LAMA2: variants seen among roughly 807,000 people sequenced by gnomAD.
LAMA2 encodes laminin subunit alpha 2, also known as laminin subunit alpha-2.
A neutral mutation model predicts 364.8 loss-of-function variants in LAMA2; 269 were observed. The ratio of observed to expected loss-of-function variants is 0.74; its 90% CI spans 0.67 to 0.82. The LOEUF is 0.82. Among genes scored for constraint, LAMA2 ranks in the 40% least tolerant of loss-of-function variants. The pLI, the probability that LAMA2 is intolerant of heterozygous loss-of-function variation, is 0.00. For missense variants in LAMA2, 3,807 were observed against 3,873.2 expected (o/e 0.98, Z 0.45); for synonymous variants, 1,379 against 1,370.6 (o/e 1.01, Z -0.14).
chr6:129,514,688 C>A, intron 64 of LAMA2, 93 bp downstream of exon 64: 2 of 958,594 alleles, frequency 2.1e-6, no homozygotes, highest in Non-Finnish European at 3.3e-6. Context: ...AGAATGTGTG[C>A]TTATGTGTAC....
At chr6:129,338,711 G>A (rs1776091022) in intron 29 of LAMA2, among the ~76,000 whole-genome samples, 1 of 152,124 alleles carries the variant, frequency 6.6e-6, no homozygotes, top group South Asian at 2.1e-4. Context: ...TGAACTAAAA[G>A]GAGCATTTAA....
chr6:129,357,305 T>C (rs561544623), intron 32 of LAMA2, among the ~76,000 whole-genome samples: 1 of 152,170 alleles, frequency 6.6e-6, no homozygotes, highest in Non-Finnish European at 1.5e-5. Context: ...AGATTATGAG[T>C]GGCATAGTAA....
At chr6:129,467,393 C>T (rs758705143) in intron 51 of LAMA2, among the ~76,000 whole-genome samples, 10 of 151,764 alleles carry the variant, frequency 6.6e-5, no homozygotes, top group Non-Finnish European at 1.0e-4. Flanking sequence ...ATTTAAAAAT[C>T]GCCTGTTGGG....
intron 4 of LAMA2, among the ~76,000 whole-genome samples, chr6:129,121,976 CTCATTA>C (rs1442849449): frequency 6.6e-6 from 1 of 152,100 alleles, no homozygotes; most frequent in East Asian, 1.9e-4. Context: ...GTGATTATGA[CTCATTA>C]TCATGATGCC....
intron 30 of LAMA2, 75 bp downstream of exon 30, chr6:129,342,542 G>C: frequency 5.4e-6 from 8 of 1,469,892 alleles, no homozygotes; most frequent in Non-Finnish European, 7.4e-6. Flanking sequence ...TCTATGATTT[G>C]GCTATTTTTT....
intron 12 of LAMA2, among the ~76,000 whole-genome samples, chr6:129,195,523 C>A (rs750904454): frequency 8.5e-5 from 13 of 152,246 alleles, no homozygotes; most frequent in Middle Eastern, 3.4e-3. Context: ...TTTATACTTT[C>A]TATTTTTGAA....
At chr6:129,452,964 C>G (rs375674469) in intron 45 of LAMA2, 24 bp from the exon 46 acceptor site, 1 of 1,607,084 alleles carries the variant, frequency 6.2e-7, no homozygotes, top group Non-Finnish European at 8.5e-7. Context: ...ACTCTTGGTT[C>G]TTTGTATCTT....
At chr6:129,480,219 C>A (rs1784280528) in intron 54 of LAMA2, among the ~76,000 whole-genome samples, 1 of 152,138 alleles carries the variant, frequency 6.6e-6, no homozygotes, top group African/African-American at 2.4e-5. Context: ...ATTTTACCAG[C>A]TCTTGTGTCA....
chr6:129,316,227 A>G lies in LAMA2; in HGVS notation c.4058+56A>G, dbSNP rs139495086. 245 of 1,334,394 alleles carry G rather than the reference A, an allele frequency of 1.8e-4. 2 individuals are homozygous for G. In the East Asian group the frequency reaches 5.6e-3, roughly 31 times the overall value. 82.7% of individuals were successfully genotyped at this position (1,334,394 alleles called of 1,614,324 possible). On this transcript the variant is annotated intron_variant, in intron 27 of 64. Transcript: ENST00000421865. ...TATTTTAGAGTCTGTAAGGAAGGTTATTGACCTACAGATATCAGATAAGAA... is the reference window on the plus strand; with the variant it reads ...TATTTTAGAGTCTGTAAGGAAGGTTGTTGACCTACAGATATCAGATAAGAA...
chr6:129,487,499 A>G (rs1784651731), intron 56 of LAMA2, among the ~76,000 whole-genome samples: 2 of 152,212 alleles, frequency 1.3e-5, no homozygotes, highest in South Asian at 2.1e-4. Flanking sequence ...AAAGAACTGG[A>G]AATCCAATTT....
chr6:129,165,538 A>G (rs1033099448), intron 8 of LAMA2, 38 bp from the exon 9 acceptor site: 30 of 1,398,352 alleles, frequency 2.1e-5, no homozygotes, highest in Non-Finnish European at 3.0e-5. Context: ...TGCTGTTTCT[A>G]TTACACTTCG....
intron 17 of LAMA2, among the ~76,000 whole-genome samples, chr6:129,272,002 A>G (rs777915618): frequency 6.6e-6 from 1 of 152,166 alleles, no homozygotes; most frequent in Non-Finnish European, 1.5e-5. Context: ...GTTAATCCAC[A>G]TGAAATGCTT....
At chr6:128,892,944 C>T (rs150814408) in intron 1 of LAMA2, among the ~76,000 whole-genome samples, 476 of 151,950 alleles carry the variant, frequency 3.1e-3, no homozygotes, top group African/African-American at 0.011. Context: ...AACTTGGGAA[C>T]GCTGGATTTT....
intron 1 of LAMA2, among the ~76,000 whole-genome samples, chr6:129,036,933 T>C (rs1786679006): frequency 6.6e-6 from 1 of 152,214 alleles, no homozygotes; most frequent in South Asian, 2.1e-4. Flanking sequence ...ATCAAATACA[T>C]TAACTAGCTG....
chr6:128,883,801 T>TACACACACACACAC (rs71543146), intron 1 of LAMA2, among the ~76,000 whole-genome samples: 2 of 135,984 alleles, frequency 1.5e-5, no homozygotes, highest in African/African-American at 6.0e-5. Flanking sequence ...TATATATATA[T>TACACACACACACAC]ACACACACAC....
chr6:128,898,674 A>G (rs1179342134), intron 1 of LAMA2, among the ~76,000 whole-genome samples: 1 of 152,222 alleles, frequency 6.6e-6, no homozygotes, highest in Non-Finnish European at 1.5e-5. Context: ...GCAATAGGCA[A>G]AGTGAACTCT....
chr6:129,378,588 AC>A (rs1188798794), intron 34 of LAMA2, among the ~76,000 whole-genome samples: 1 of 152,208 alleles, frequency 6.6e-6, no homozygotes, highest in Admixed American at 6.5e-5. Flanking sequence ...AAACTTATAT[AC>A]TTAAAGTATA....
chr6:129,047,878 AG>A (rs1787637623), intron 1 of LAMA2, among the ~76,000 whole-genome samples: 1 of 152,192 alleles, frequency 6.6e-6, no homozygotes, highest in East Asian at 1.9e-4. Flanking sequence ...AAGGCCAACC[AG>A]GTCCGCAAGG....
At chr6:129,099,363 A>G (rs1315479462) in intron 4 of LAMA2, among the ~76,000 whole-genome samples, 1 of 152,000 alleles carries the variant, frequency 6.6e-6, no homozygotes, top group Non-Finnish European at 1.5e-5. Flanking sequence ...AATAACCATT[A>G]CTACTATTAT....
Sources: allele counts gnomAD v4.1 joint callset (sites outside exome capture counted in the v4.1 genomes callset), GRCh38; gene constraint gnomAD v4.1.1; transcripts MANE v1.5; gene names NCBI Gene and HGNC (gene_info 2026-07-23, HGNC 2026-07-21).